RASAL2: variants seen among roughly 807,000 people sequenced by gnomAD.
RASAL2 encodes RAS protein activator like 2, also known as ras GTPase-activating protein nGAP.
RASAL2 carries 58 observed loss-of-function variants against 128.9 expected under a neutral mutation model. The ratio of observed to expected loss-of-function variants is 0.45; its 90% CI spans 0.36 to 0.56. The LOEUF is 0.56. Ranked by LOEUF, RASAL2 falls within the 20% of genes least tolerant of loss-of-function variation. The pLI, the probability that RASAL2 is intolerant of heterozygous loss-of-function variation, is 0.00. For synonymous variants in RASAL2, 561 were observed against 580.8 expected (o/e 0.97, Z 0.49); for missense variants, 1,360 against 1,601.6 (o/e 0.85, Z 2.57).
intron 1 of RASAL2, among the ~76,000 whole-genome samples, chr1:178,243,614 AAAAAATGAC>A (rs1197322409): frequency 2.0e-5 from 3 of 151,802 alleles, no homozygotes; most frequent in African/African-American, 7.3e-5. Context: ...AAAAAAAAAA[AAAAAATGAC>A]AACAACAAAA....
intron 5 of RASAL2, among the ~76,000 whole-genome samples, chr1:178,428,268 G>A (rs968723186): frequency 3.3e-5 from 5 of 151,894 alleles, no homozygotes; most frequent in South Asian, 2.1e-4. Context: ...TTTTGTGAAC[G>A]TGTTTTCCCT....
At chr1:178,146,271 G>A (rs1660727437) in intron 1 of RASAL2, among the ~76,000 whole-genome samples, 2 of 152,222 alleles carry the variant, frequency 1.3e-5, no homozygotes, top group Non-Finnish European at 2.9e-5. Context: ...AGAGAGGAAT[G>A]GTTGTCCTTA....
chr1:178,179,995 A>C (rs1442023268), intron 1 of RASAL2, among the ~76,000 whole-genome samples: 2 of 152,188 alleles, frequency 1.3e-5, no homozygotes, highest in African/African-American at 4.8e-5. Context: ...AGAGGAAGCT[A>C]GTTCCAGAGG....
At chr1:178,263,213 A>G (rs544210820) in intron 1 of RASAL2, among the ~76,000 whole-genome samples, 1 of 152,242 alleles carries the variant, frequency 6.6e-6, no homozygotes, top group South Asian at 2.1e-4. Context: ...AACATTTTCA[A>G]TAGGAGTAAC....
intron 3 of RASAL2, among the ~76,000 whole-genome samples, chr1:178,323,021 T>C (rs1282062172): frequency 6.6e-6 from 1 of 152,222 alleles, no homozygotes; most frequent in African/African-American, 2.4e-5. Context: ...TTCTACCTTC[T>C]GTATGTAGAA....
intron 1 of RASAL2, among the ~76,000 whole-genome samples, chr1:178,168,754 G>A (rs1246248199): frequency 1.3e-5 from 2 of 152,062 alleles, no homozygotes; most frequent in Non-Finnish European, 2.9e-5. Context: ...GAGGTGGGTT[G>A]TGAGTCACAC....
rs772286805 is a variant in RASAL2, at chr1:178,466,052, G to C, written c.3520G>C (p.Glu1174Gln). The C allele has an allele frequency of 1.3e-5, 21 of 1,582,956 alleles. No homozygotes were observed. Among genetic ancestry groups the C allele is most frequent in the Non-Finnish European group, 1.7e-5 (20 of 1,163,016 alleles). The change falls in exon 16 of 18, where the codon GAG (glutamate) becomes CAG (glutamine). Residue 1174 changes from glutamate to glutamine, a missense_variant. By Grantham distance (29) the Glu-to-Gln change is conservative. Transcript: ENST00000367649. ...GCTGCTGGAATACAAGGCCCGACTG[G>C]AGGACAGCGAGGAGCGGCTCCGAAG... ...KLLLEYKARL[E>Q]DSEERLRRQQ...
chr1:178,159,160 G>C (rs1215952388), intron 1 of RASAL2, among the ~76,000 whole-genome samples: 2 of 152,130 alleles, frequency 1.3e-5, no homozygotes, highest in African/African-American at 2.4e-5. Flanking sequence ...TGTACTGTTT[G>C]GTCTTTCAAA....
At chr1:178,268,624 G>GA (rs960362937) in intron 1 of RASAL2, among the ~76,000 whole-genome samples, 6 of 151,668 alleles carry the variant, frequency 4.0e-5, no homozygotes, top group African/African-American at 7.3e-5. Flanking sequence ...CTGTCTCTTA[G>GA]AAAAAAAAGA....
In RASAL2 at chr1:178,474,874, AATTAT is replaced by A. The variant is rs1648562657; in HGVS notation, c.*1637_*1641del. On this transcript the variant is annotated 3_prime_UTR_variant, in exon 18 of 18. Coordinates refer to ENST00000367649, the MANE Select transcript of RASAL2 (RefSeq NM_170692.4). ...CTCGAATAAGTTGATGTTGATTTTA[AATTAT>A]AAGCTTTAAAGAATTTTTTTTCTAG... The A allele has an allele frequency of 1.3e-5, 2 of 152,186 alleles. No individual in the cohort carries two copies. The highest frequency in any genetic ancestry group is 2.9e-5 in the Non-Finnish European group (2 of 68,032). The allele number at this position is 152,186 out of a possible 1,614,324, so 9.4% of individuals were successfully genotyped here.
chr1:178,141,288 CCA>C (rs1660524664), intron 1 of RASAL2, among the ~76,000 whole-genome samples: 1 of 148,918 alleles, frequency 6.7e-6, no homozygotes, highest in Non-Finnish European at 1.5e-5. Context: ...AGGGGGTTGC[CCA>C]CTCCCAGCTC....
intron 1 of RASAL2, among the ~76,000 whole-genome samples, chr1:178,189,387 T>G (rs910344057): frequency 6.6e-6 from 1 of 152,204 alleles, no homozygotes; most frequent in Admixed American, 6.5e-5. Flanking sequence ...AAGTACCAGA[T>G]ACAGGAGAAA....
At chr1:178,185,189 CT>C (rs1662248359) in intron 1 of RASAL2, among the ~76,000 whole-genome samples, 1 of 151,080 alleles carries the variant, frequency 6.6e-6, no homozygotes, top group East Asian at 1.9e-4. Context: ...GCTTATTAAC[CT>C]TGTATCCTGT....
At position 178,445,555 on chromosome 1, in the gene RASAL2, G is replaced by A. The variant is rs1173064833; in HGVS notation, c.1520G>A (p.Arg507His). The change falls in exon 9 of 18, where the codon CGT (arginine) becomes CAT (histidine). Residue 507 changes from arginine (R) to histidine (H), a missense_variant. Arg to His is a conservative substitution (Grantham distance 29, BLOSUM62 0). Transcript: ENST00000367649. ...LTDLVMSEVD[R>H]CGEHDVLIFR... ...GACTTGGTGATGTCTGAGGTGGATC[G>A]TTGTGGAGAGCATGATGTCTTGATC... is the stretch of plus-strand genomic sequence containing the variant. 12 of 1,613,634 alleles carry A rather than the reference G, an allele frequency of 7.4e-6. No individual in the cohort carries two copies. The highest frequency in any genetic ancestry group is 1.6e-4 in the Middle Eastern group (1 of 6,078).
chr1:178,149,309 C>G (rs1355358885), intron 1 of RASAL2, among the ~76,000 whole-genome samples: 2 of 152,082 alleles, frequency 1.3e-5, no homozygotes, highest in East Asian at 3.8e-4. Flanking sequence ...AATCTGTTAT[C>G]TTAAGGAGTA....
chr1:178,175,922 T>C (rs1661873131), intron 1 of RASAL2, among the ~76,000 whole-genome samples: 1 of 152,206 alleles, frequency 6.6e-6, no homozygotes, highest in South Asian at 2.1e-4. Context: ...TTCCATGGTG[T>C]ATGTATACCA....
intron 5 of RASAL2, among the ~76,000 whole-genome samples, chr1:178,428,292 T>C (rs1391541623): frequency 6.6e-6 from 1 of 152,032 alleles, no homozygotes; most frequent in Admixed American, 6.6e-5. Context: ...ATGGGGTAAA[T>C]GCCCAAGAGT....
chr1:178,270,427 T>G (rs1666192233), intron 1 of RASAL2, among the ~76,000 whole-genome samples: 1 of 152,058 alleles, frequency 6.6e-6, no homozygotes, highest in Non-Finnish European at 1.5e-5. Flanking sequence ...TATTACTGCA[T>G]TTTTTTCATT....
chr1:178,269,979 T>C (rs2102167944), intron 1 of RASAL2, among the ~76,000 whole-genome samples: 1 of 152,232 alleles, frequency 6.6e-6, no homozygotes, highest in East Asian at 1.9e-4. Context: ...TAGGCAAAAT[T>C]TTTGAGGCCT....
Sources: gnomAD v4.1 joint callset for allele counts (sites outside exome capture counted in the v4.1 genomes callset) on GRCh38, gnomAD v4.1.1 for gene constraint, MANE v1.5 for transcripts, NCBI Gene and HGNC (gene_info 2026-07-23, HGNC 2026-07-21) for gene names.